Variants in UBQLN4 observed in about 807,000 individuals in gnomAD.
UBQLN4 encodes the protein ubiquilin 4.
UBQLN4 carries 11 observed loss-of-function variants against 60.4 expected under a neutral mutation model. That is an observed-to-expected ratio of 0.18 (90% confidence interval 0.11 to 0.30). UBQLN4 has a LOEUF of 0.30. Ranked by LOEUF, UBQLN4 falls within the 10% of genes least tolerant of loss-of-function variation. The pLI is 1.00. For missense variants in UBQLN4, 417 were observed against 795.5 expected (o/e 0.52, Z 5.72); for synonymous variants, 258 against 313.1 (o/e 0.82, Z 1.86).
chr1:156,034,108 T>A (rs113901806), downstream of UBQLN4, among the ~76,000 whole-genome samples: 1,091 of 151,490 alleles, frequency 7.2e-3, 19 homozygotes, highest in African/African-American at 0.026. Context: ...CCTCCCACTC[T>A]TGGCTTATTC....
intron 10 of UBQLN4, 143 bp from the exon 11 acceptor site, chr1:156,037,273 G>T (rs969649804): frequency 3.8e-6 from 4 of 1,048,586 alleles, no homozygotes; most frequent in Non-Finnish European, 5.4e-6. Context: ...GCAAATGGGG[G>T]CCCAGGAGCC....
chr1:156,051,931 A>T, intron 1 of UBQLN4, 74 bp from the exon 2 acceptor site: 1 of 1,581,730 alleles, frequency 6.3e-7, no homozygotes, highest in Non-Finnish European at 8.6e-7. Flanking sequence ...CTCTTTTTCA[A>T]CACCTTCTGC....
chr1:156,037,392 G>A (rs1166151966), intron 10 of UBQLN4, among the ~76,000 whole-genome samples: 11 of 152,000 alleles, frequency 7.2e-5, no homozygotes, highest in Admixed American at 2.0e-4. Flanking sequence ...TCAGAAGATC[G>A]AGACCATCCT....
At chr1:156,052,660 G>T (rs1171564351) in intron 1 of UBQLN4, among the ~76,000 whole-genome samples, 1 of 152,192 alleles carries the variant, frequency 6.6e-6, no homozygotes, top group Non-Finnish European at 1.5e-5. Context: ...CTGAGGATCA[G>T]CGAGGTAAGG....
rs1390773092 is a variant in UBQLN4 at position 156,041,336 on chromosome 1, G to C, written c.1653+149C>G. On this transcript the variant is annotated intron_variant, in intron 10 of 10. Transcript: ENST00000368309. Reference sequence around the variant, plus strand: ...TCACATCTGCACAAACTGAACTCAGGGAGCATCAGTAACCTGCCCAAGGCT... The same window carrying C: ...TCACATCTGCACAAACTGAACTCAGCGAGCATCAGTAACCTGCCCAAGGCT... 1.5e-5 allele frequency: 11 copies of C among 737,874 alleles called. No individual in the cohort carries two copies. In the Admixed American group the frequency reaches 3.6e-4, roughly 24 times the overall value. 45.7% of individuals were successfully genotyped at this position (737,874 alleles called of 1,614,324 possible). A position where few individuals can be genotyped will look rare whatever the true frequency, so the allele number is the denominator to read the frequency against.
At chr1:156,033,712 C>T (rs909870334), downstream of UBQLN4, among the ~76,000 whole-genome samples, 2 of 151,916 alleles carry the variant, frequency 1.3e-5, no homozygotes, top group Admixed American at 6.6e-5. Context: ...GGTGTCATGG[C>T]GGGCACCTGC....
chr1:156,032,383 C>G (rs995954872), downstream of UBQLN4, among the ~76,000 whole-genome samples: 2 of 151,184 alleles, frequency 1.3e-5, no homozygotes, highest in Non-Finnish European at 2.9e-5. Context: ...CGATGGCTCA[C>G]GCCTGTAATC....
chr1:156,047,421 T>C (rs989866110), intron 5 of UBQLN4, among the ~76,000 whole-genome samples: 15 of 151,504 alleles, frequency 9.9e-5, no homozygotes, highest in Non-Finnish European at 2.1e-4. Context: ...TTTTTTGTAT[T>C]TTTAGTAGAG....
Position 156,044,052 on chromosome 1 carries a change from C to T in UBQLN4, c.1072G>A (p.Val358Met), listed in dbSNP as rs147895250. ...AAGGGGTTCGAGACTGTCGGGTGCA[C>T]CTGGCTGGTCCCCGATCCTCCGGTG... is the stretch of plus-strand genomic sequence containing the variant. ...EGTGGSGTSQ[V>M]HPTVSNPFGI... Residue 358 changes from valine to methionine, a missense_variant, in exon 6 of 11, where the codon GTG (valine) becomes ATG (methionine). By Grantham distance (21) the Val-to-Met change is conservative. Coordinates refer to ENST00000368309, the MANE Select transcript of UBQLN4 (RefSeq NM_020131.5). 6 of 1,605,960 alleles carry T rather than the reference C, an allele frequency of 3.7e-6. No homozygotes were observed. The African/African-American group carries it at 8.0e-5, about 21-fold the overall frequency.
chr1:156,035,362 A>G lies in UBQLN4; in HGVS notation c.*1616T>C. The G allele has an allele frequency of 1.0e-6, 1 of 985,274 alleles. No homozygotes were observed. The highest frequency in any genetic ancestry group is 1.2e-6 in the Non-Finnish European group (1 of 829,878). 61.0% of individuals were successfully genotyped at this position (985,274 alleles called of 1,614,324 possible). On this transcript the variant is annotated 3_prime_UTR_variant, in exon 11 of 11. Coordinates refer to ENST00000368309, the MANE Select transcript of UBQLN4 (RefSeq NM_020131.5). Reference sequence around the variant, plus strand: ...AGTGTGGGAGCTGGGGGAGGCAGGGAGGGAAAGCCACACAGACATCTTCTC... The same window carrying G: ...AGTGTGGGAGCTGGGGGAGGCAGGGGGGGAAAGCCACACAGACATCTTCTC...
rs1390692235 is a variant in UBQLN4, at chr1:156,050,406, A to C, written c.626T>G (p.Met209Arg). Residue 209 changes from methionine (M) to arginine (R), a missense_variant, in exon 4 of 11, where the codon ATG (methionine) becomes AGG (arginine). Physicochemically the swap from Met to Arg is moderately conservative, Grantham distance 91 (BLOSUM62 -1). Coordinates refer to ENST00000368309, the MANE Select transcript of UBQLN4 (RefSeq NM_020131.5). This position sits in a 1 kb window ranked among gnomAD's most constrained non-coding sequence, Gnocchi z 4.6. Reference protein sequence around the residue: ...IMENPLVQDMMSNPDLMRHMI... With the variant: ...IMENPLVQDMRSNPDLMRHMI... Reference sequence around the variant, plus strand: ...GTGACGCATCAGATCAGGGTTAGACATCATATCCTGGACCAGGGGGTTCTC... The same window carrying C: ...GTGACGCATCAGATCAGGGTTAGACCTCATATCCTGGACCAGGGGGTTCTC... 6.2e-7 allele frequency: 1 copy of C among 1,614,132 alleles called. No homozygotes were observed. The highest frequency in any genetic ancestry group is 8.5e-7 in the Non-Finnish European group (1 of 1,180,026).
rs1237297797 is a variant in UBQLN4, at chr1:156,041,860, C to T, written c.1466+12G>A. The T allele has an allele frequency of 3.7e-6, 6 of 1,605,308 alleles. No homozygotes were observed. Among genetic ancestry groups the T allele is most frequent in the East Asian group, 2.2e-5 (1 of 44,780 alleles). ...CTAGAACCTTGCTGCCCTCCTGCCC[C>T]CCTACCCTCACCTGGGTACCAGCCC... On this transcript the variant is annotated intron_variant, in intron 9 of 10. Transcript: ENST00000368309.
At position 156,048,019 on chromosome 1, in the gene UBQLN4, T is replaced by C. The variant is rs1683763378; in HGVS notation, c.900+482A>G. Among the ~76,000 whole-genome samples the C allele has an allele frequency of 6.6e-6, 1 of 152,106 alleles. No individual in the cohort carries two copies. Among genetic ancestry groups the C allele is most frequent in the Non-Finnish European group, 1.5e-5 (1 of 68,016 alleles). Reference sequence around the variant, plus strand: ...TGTTACATTTTTATCTATTTTTTTGTGTGTACTTGAATAGGATTCATAAAG... The same window carrying C: ...TGTTACATTTTTATCTATTTTTTTGCGTGTACTTGAATAGGATTCATAAAG... On this transcript the variant is annotated intron_variant, in intron 5 of 10. Coordinates refer to ENST00000368309, the MANE Select transcript of UBQLN4 (RefSeq NM_020131.5). This position sits in a 1 kb window ranked among gnomAD's most constrained non-coding sequence, Gnocchi z 4.9.
chr1:156,042,014 A>G, intron 8 of UBQLN4, 27 bp from the exon 9 acceptor site: 1 of 1,613,736 alleles, frequency 6.2e-7, no homozygotes, highest in Non-Finnish European at 8.5e-7. Flanking sequence ...AGAGAAAGGC[A>G]TCAAGAGGTG....
chr1:156,048,798 G>T lies in UBQLN4; in HGVS notation c.742-139C>A. The T allele has an allele frequency of 1.1e-6, 1 of 929,592 alleles. No homozygotes were observed. The allele number at this position is 929,592 out of a possible 1,614,324, so 57.6% of individuals were successfully genotyped here. A position where few individuals can be genotyped will look rare whatever the true frequency, so the allele number is the denominator to read the frequency against. The stretch of plus-strand genomic sequence containing the variant: ...AACTGCCCCACAGTGACAGGGAGTA[G>T]AGTAAACTGGACTTCCTTCCTCTAC... On this transcript the variant is annotated intron_variant, in intron 4 of 10. Transcript: ENST00000368309. The surrounding 1 kb of genome is among the most constrained non-coding windows in gnomAD (Gnocchi z 4.9).
chr1:156,052,353 G>C (rs747114262), intron 1 of UBQLN4, among the ~76,000 whole-genome samples: 2 of 152,196 alleles, frequency 1.3e-5, no homozygotes, highest in African/African-American at 4.8e-5. Context: ...TTGAGATGGA[G>C]TCTCGCTCTG....
downstream of UBQLN4, among the ~76,000 whole-genome samples, chr1:156,031,333 A>G (rs1435645899): frequency 6.6e-6 from 1 of 152,210 alleles, no homozygotes; most frequent in African/African-American, 2.4e-5. Flanking sequence ...TAACAATCCT[A>G]TAAGGCAGGT....
chr1:156,042,729 A>G lies in UBQLN4; in HGVS notation c.1266+45T>C, dbSNP rs533271095. On this transcript the variant is annotated intron_variant, in intron 7 of 10. Coordinates refer to ENST00000368309, the MANE Select transcript of UBQLN4 (RefSeq NM_020131.5). ...CCACAAGAAACTGCCCCCAACCAAG[A>G]GGAACTCTCTCCCCAACAATACTCT... The G allele has an allele frequency of 2.4e-4, 380 of 1,599,156 alleles. 2 individuals are homozygous for G. In the South Asian group the frequency reaches 4.0e-3, roughly 17 times the overall value.
intron 5 of UBQLN4, among the ~76,000 whole-genome samples, chr1:156,046,454 C>T (rs1397677190): frequency 6.6e-6 from 1 of 151,108 alleles, no homozygotes; most frequent in Non-Finnish European, 1.5e-5. Flanking sequence ...GCTGAGATCA[C>T]GCCATTGCAC....
Sources: allele counts gnomAD v4.1 joint callset (sites outside exome capture counted in the v4.1 genomes callset), GRCh38; gene constraint gnomAD v4.1.1; non-coding constraint Gnocchi (gnomAD v3.1); transcripts MANE v1.5; gene names NCBI Gene and HGNC (gene_info 2026-07-23, HGNC 2026-07-21).